The following SPTLC3 variants were observed in gnomAD, a reference collection of about 807,000 sequenced individuals.
SPTLC3 encodes serine palmitoyltransferase long chain base subunit 3.
A neutral mutation model predicts 59.3 loss-of-function variants in SPTLC3; 36 were observed. The observed-to-expected ratio is 0.61, with a 90% CI of 0.47 to 0.80. SPTLC3 has a LOEUF of 0.80. Ranked by LOEUF, SPTLC3 falls within the 30% of genes least tolerant of loss-of-function variation. SPTLC3 has a pLI of 0.00. For missense variants in SPTLC3, 625 were observed against 685.1 expected, an observed-to-expected ratio of 0.91 and a Z score of 0.98; for synonymous variants, 257 against 240.8, an observed-to-expected ratio of 1.07 and a Z score of -0.62.
At chr20:13,161,122 A>G (rs2038887197) in intron 11 of SPTLC3, among the ~76,000 whole-genome samples, 1 of 152,220 alleles carries the variant, frequency 6.6e-6, no homozygotes, top group African/African-American at 2.4e-5. Flanking sequence ...CAAATATTAC[A>G]AATGAATGGA....
chr20:13,152,596 T>C (rs565173522), intron 9 of SPTLC3, among the ~76,000 whole-genome samples: 186 of 152,324 alleles, frequency 1.2e-3, no homozygotes, highest in Non-Finnish European at 2.0e-3. Flanking sequence ...AATTATCCCA[T>C]GCTTAGACTT....
At chr20:13,022,828 T>C (rs924024833) in intron 1 of SPTLC3, among the ~76,000 whole-genome samples, 1 of 152,178 alleles carries the variant, frequency 6.6e-6, no homozygotes, top group Non-Finnish European at 1.5e-5. Flanking sequence ...TGAAATAAAA[T>C]CCAGAGATGT....
chr20:13,113,656 G>C (rs1477580268), intron 7 of SPTLC3, among the ~76,000 whole-genome samples: 1 of 152,204 alleles, frequency 6.6e-6, no homozygotes, highest in Non-Finnish European at 1.5e-5. Context: ...ACCTACATCT[G>C]TGTGGCCTCC....
At chr20:13,033,892 A>G (rs796169223) in intron 1 of SPTLC3, among the ~76,000 whole-genome samples, 1 of 152,122 alleles carries the variant, frequency 6.6e-6, no homozygotes, top group Non-Finnish European at 1.5e-5. Context: ...GTCTTAAGGC[A>G]GGCAGAGTGT....
intron 1 of SPTLC3, among the ~76,000 whole-genome samples, chr20:13,042,215 GTGCT>G (rs1300590491): frequency 1.3e-5 from 2 of 152,286 alleles, no homozygotes; most frequent in African/African-American, 4.8e-5. Flanking sequence ...CTCTTCTAAA[GTGCT>G]TGCCACCAGA....
At chr20:13,080,339 C>A (rs1432911994) in intron 4 of SPTLC3, among the ~76,000 whole-genome samples, 1 of 151,966 alleles carries the variant, frequency 6.6e-6, no homozygotes, top group African/African-American at 2.4e-5. Flanking sequence ...GAAACCCCGT[C>A]TCTACTAAAA....
intron 1 of SPTLC3, among the ~76,000 whole-genome samples, chr20:13,038,523 A>C (rs116300336): frequency 6.6e-5 from 10 of 152,270 alleles, no homozygotes; most frequent in African/African-American, 2.2e-4. Flanking sequence ...GAACAGCAGC[A>C]ATGTCCCTCT....
intron 1 of SPTLC3, among the ~76,000 whole-genome samples, chr20:13,015,547 GA>G (rs2122365717): frequency 6.6e-6 from 1 of 152,274 alleles, no homozygotes; most frequent in South Asian, 2.1e-4. Flanking sequence ...GAAGACTCAG[GA>G]TGAAAAATGC....
intron 2 of SPTLC3, among the ~76,000 whole-genome samples, chr20:13,054,286 T>A (rs1987624251): frequency 6.6e-6 from 1 of 152,092 alleles, no homozygotes; most frequent in Non-Finnish European, 1.5e-5. Context: ...TAGTAAGCCA[T>A]GGACATGTAT....
chr20:13,020,439 G>A (rs1475379179), intron 1 of SPTLC3, among the ~76,000 whole-genome samples: 1 of 151,978 alleles, frequency 6.6e-6, no homozygotes, highest in Non-Finnish European at 1.5e-5. Flanking sequence ...GAAGTGGGAG[G>A]ACCACTTGAG....
intron 8 of SPTLC3, among the ~76,000 whole-genome samples, chr20:13,119,285 A>C (rs1990767934): frequency 6.6e-6 from 1 of 152,200 alleles, no homozygotes; most frequent in South Asian, 2.1e-4. Context: ...AATGTTGTCA[A>C]ATTTGGTGGA....
intron 4 of SPTLC3, 89 bp from the exon 5 acceptor site, chr20:13,090,994 T>C: frequency 6.5e-7 from 1 of 1,536,244 alleles, no homozygotes; most frequent in Non-Finnish European, 8.8e-7. Context: ...TATAGGTCTT[T>C]TGGTGATGTG....
chr20:13,018,909 A>G (rs1475427290), intron 1 of SPTLC3, among the ~76,000 whole-genome samples: 1 of 152,198 alleles, frequency 6.6e-6, no homozygotes, highest in African/African-American at 2.4e-5. Context: ...TATTAGAAAT[A>G]TTTTCCGGTG....
intron 1 of SPTLC3, among the ~76,000 whole-genome samples, chr20:13,030,254 T>C (rs904681868): frequency 1.3e-5 from 2 of 152,208 alleles, no homozygotes; most frequent in African/African-American, 2.4e-5. Flanking sequence ...TTCATTCCTG[T>C]GGAATTTAGG....
At chr20:13,069,096 C>T (rs542646047) in intron 2 of SPTLC3, among the ~76,000 whole-genome samples, 7 of 152,226 alleles carry the variant, frequency 4.6e-5, no homozygotes, top group South Asian at 4.1e-4. Context: ...TTCAAGCCAA[C>T]GCCAAGTTCC....
chr20:13,093,689 C>A, intron 6 of SPTLC3, 112 bp downstream of exon 6: 2 of 904,032 alleles, frequency 2.2e-6, no homozygotes, highest in Non-Finnish European at 3.3e-6. Flanking sequence ...CCTCATGAAA[C>A]ACAATTATGT....
chr20:13,027,986 T>G (rs1986243143), intron 1 of SPTLC3, among the ~76,000 whole-genome samples: 1 of 152,214 alleles, frequency 6.6e-6, no homozygotes, highest in South Asian at 2.1e-4. Context: ...CTTAAAATCT[T>G]GACATTACGA....
intron 1 of SPTLC3, among the ~76,000 whole-genome samples, chr20:13,029,719 C>T (rs17226313): frequency 0.055 from 8,372 of 152,238 alleles, 271 homozygotes; most frequent in South Asian, 0.083. Flanking sequence ...AACAAAAGAT[C>T]TCAGCCAGGG....
chr20:13,031,366 G>A (rs1986438323), intron 1 of SPTLC3, among the ~76,000 whole-genome samples: 1 of 152,072 alleles, frequency 6.6e-6, no homozygotes, highest in Admixed American at 6.6e-5. Flanking sequence ...CAATTGTATT[G>A]AACAGCATAG....
Sources: gnomAD v4.1 joint callset for allele counts (sites outside exome capture counted in the v4.1 genomes callset) on GRCh38, gnomAD v4.1.1 for gene constraint, MANE v1.5 for transcripts, NCBI Gene and HGNC (gene_info 2026-07-23, HGNC 2026-07-21) for gene names.